Variants in ERBB4 observed in about 807,000 individuals in gnomAD.
The protein encoded by ERBB4 is erb-b2 receptor tyrosine kinase 4, also known as receptor tyrosine-protein kinase erbB-4.
A neutral mutation model predicts 158.0 loss-of-function variants in ERBB4; 42 were observed. That is an observed-to-expected ratio of 0.27 (90% CI 0.21 to 0.34). The LOEUF is 0.34. ERBB4 is among the 10% of genes least tolerant of loss of function. ERBB4 has a pLI of 1.00. For missense variants in ERBB4, 1,333 were observed against 1,624.1 expected, an observed-to-expected ratio of 0.82 and a Z score of 3.08; for synonymous variants, 583 against 558.7, an observed-to-expected ratio of 1.04 and a Z score of -0.61.
At chr2:211,703,838 T>C (rs2073340830) in intron 11 of ERBB4, among the ~76,000 whole-genome samples, 1 of 152,202 alleles carries the variant, frequency 6.6e-6, no homozygotes, top group Admixed American at 6.5e-5. Flanking sequence ...GAAAGTTTCA[T>C]TGGATTGTTC....
chr2:211,871,395 A>T (rs2078341471), intron 3 of ERBB4, among the ~76,000 whole-genome samples: 1 of 152,094 alleles, frequency 6.6e-6, no homozygotes, highest in Non-Finnish European at 1.5e-5. Context: ...TTTTTCTGGT[A>T]GTTAATCAAG....
intron 2 of ERBB4, among the ~76,000 whole-genome samples, chr2:212,106,758 T>C (rs535194232): frequency 2.0e-5 from 3 of 152,196 alleles, no homozygotes; most frequent in Non-Finnish European, 4.4e-5. Flanking sequence ...CTCTGCTGTG[T>C]GCAGTCTAGG....
At chr2:212,311,668 T>A (rs1004700990) in intron 1 of ERBB4, among the ~76,000 whole-genome samples, 1 of 150,988 alleles carries the variant, frequency 6.6e-6, no homozygotes, top group African/African-American at 2.4e-5. Context: ...AGTCCTAAAT[T>A]TTTTAAAAAC....
At position 211,662,639 on chromosome 2, in the gene ERBB4, C is replaced by T. The variant is rs564855566; in HGVS notation, c.1871+2684G>A. 1.3e-4 allele frequency among the ~76,000 whole-genome samples: 20 copies of T among 152,166 alleles called. No individual in the cohort carries two copies. In the East Asian group the frequency reaches 3.3e-3, roughly 25 times the overall value. ...TCTAGTCAAGGTAAGAAGAGACAAA[C>T]TTGTTGTTTTCATGGATATTAGTGA... On this transcript the variant is annotated intron_variant, in intron 15 of 27. Coordinates refer to ENST00000342788, the MANE Select transcript of ERBB4 (RefSeq NM_005235.3).
In ERBB4 at chr2:211,386,907, C is replaced by T. The variant is rs2062696210; in HGVS notation, c.3427G>A (p.Gly1143Arg). 5 of 1,614,054 alleles carry T rather than the reference C, an allele frequency of 3.1e-6. No individual in the cohort carries two copies. The highest frequency in any genetic ancestry group is 4.2e-6 in the Non-Finnish European group (5 of 1,180,036). ...TVFAPERSPR[G>R]ELDEEGYMTP... ...ATGTAACCTTCCTCATCCAGCTCTC[C>T]TCGTGGGCTCCGTTCTGGGGCAAAC... is the stretch of plus-strand genomic sequence containing the variant. Residue 1143 changes from glycine (G) to arginine (R), a missense_variant, in exon 27 of 28, where the codon GGA (glycine) becomes AGA (arginine). By Grantham distance (125) the Gly-to-Arg change is moderately radical. Transcript: ENST00000342788.
At chr2:211,438,844 T>A (rs1039038833) in intron 20 of ERBB4, among the ~76,000 whole-genome samples, 10 of 152,162 alleles carry the variant, frequency 6.6e-5, no homozygotes, top group African/African-American at 2.4e-4. Context: ...TCAAGAAGCC[T>A]GGTTAGGTTG....
chr2:211,925,968 A>G (rs1397081843), intron 3 of ERBB4, among the ~76,000 whole-genome samples: 1 of 152,148 alleles, frequency 6.6e-6, no homozygotes, highest in Non-Finnish European at 1.5e-5. Context: ...ACTGAAATGC[A>G]GTAGTAAGAA....
intron 3 of ERBB4, among the ~76,000 whole-genome samples, chr2:211,861,041 TTATATATTTA>T (rs1473727666): frequency 0.36 from 8,988 of 25,116 alleles, 1,878 homozygotes; most frequent in Middle Eastern, 0.42. Flanking sequence ...TATAATATAT[TTATATATTTA>T]TATATATATA....
chr2:212,439,861 G>A (rs1003367225), intron 1 of ERBB4, among the ~76,000 whole-genome samples: 4 of 152,080 alleles, frequency 2.6e-5, no homozygotes, highest in Non-Finnish European at 5.9e-5. Context: ...TATTAAAAAT[G>A]AGCTTATTTT....
chr2:211,769,178 T>C (rs911091424), intron 4 of ERBB4, among the ~76,000 whole-genome samples: 6 of 152,162 alleles, frequency 3.9e-5, no homozygotes, highest in Admixed American at 1.3e-4. Context: ...TGCTAAAGCA[T>C]AGCAAGAATC....
At chr2:211,811,976 C>G (rs189820826) in intron 3 of ERBB4, among the ~76,000 whole-genome samples, 243 of 152,292 alleles carry the variant, frequency 1.6e-3, no homozygotes, top group African/African-American at 5.5e-3. Context: ...CAAACATCCT[C>G]CTTTAGCATG....
At chr2:211,578,277 C>T (rs901846743) in intron 19 of ERBB4, among the ~76,000 whole-genome samples, 8 of 152,118 alleles carry the variant, frequency 5.3e-5, no homozygotes, top group Non-Finnish European at 8.8e-5. Flanking sequence ...AGGAGAACTA[C>T]AAACCACTGC....
intron 4 of ERBB4, among the ~76,000 whole-genome samples, chr2:211,763,824 C>T (rs971476363): frequency 2.0e-5 from 3 of 151,518 alleles, no homozygotes; most frequent in East Asian, 1.9e-4. Flanking sequence ...CAAGACTCAT[C>T]GTATGTTACT....
chr2:211,832,914 G>A (rs1393484538), intron 3 of ERBB4, among the ~76,000 whole-genome samples: 1 of 150,768 alleles, frequency 6.6e-6, no homozygotes, highest in Non-Finnish European at 1.5e-5. Context: ...CAGGTGATAT[G>A]TTGACATATA....
At chr2:211,740,769 C>T (rs534963296) in intron 5 of ERBB4, among the ~76,000 whole-genome samples, 2 of 151,874 alleles carry the variant, frequency 1.3e-5, no homozygotes, top group Admixed American at 1.3e-4. Flanking sequence ...CGCCACCACA[C>T]CCGACTAATT....
chr2:211,852,896 A>T (rs753386166), intron 3 of ERBB4, among the ~76,000 whole-genome samples: 7 of 151,974 alleles, frequency 4.6e-5, no homozygotes, highest in Admixed American at 1.3e-4. Flanking sequence ...TAGAATTTAC[A>T]GGTATGCTCT....
chr2:212,348,027 T>C (rs1278139369), intron 1 of ERBB4, among the ~76,000 whole-genome samples: 1 of 152,108 alleles, frequency 6.6e-6, no homozygotes, highest in Non-Finnish European at 1.5e-5. Flanking sequence ...ATTTTATGTA[T>C]AAACCAATGA....
At chr2:211,530,288 A>G in intron 20 of ERBB4, among the ~76,000 whole-genome samples, 1 of 152,124 alleles carries the variant, frequency 6.6e-6, no homozygotes, top group East Asian at 1.9e-4. Flanking sequence ...GGATTAACCA[A>G]AGAAGTGAAC....
In ERBB4 at chr2:211,705,086, A is replaced by G. The variant is rs563674076; in HGVS notation, c.1198+232T>C. Among the ~76,000 whole-genome samples, 140 of 152,134 alleles carry G rather than the reference A, an allele frequency of 9.2e-4. 1 individual carries two copies. Among genetic ancestry groups the G allele is most frequent in the Non-Finnish European group, 1.6e-3 (107 of 68,012 alleles). On this transcript the variant is annotated intron_variant, in intron 10 of 27. Transcript: ENST00000342788. ...ATTCTCCTGCCTCAGCCTCCTGAGC[A>G]GCTGGGATTACAGGCACGCGCCACC...
Sources: allele counts gnomAD v4.1 joint callset (sites outside exome capture counted in the v4.1 genomes callset), GRCh38; gene constraint gnomAD v4.1.1; transcripts MANE v1.5; gene names NCBI Gene and HGNC (gene_info 2026-07-23, HGNC 2026-07-21).